KCNAB1: variants seen among roughly 807,000 people sequenced by gnomAD.
KCNAB1 encodes the protein voltage-gated potassium channel subunit beta-1.
Under a neutral mutation model 64.6 loss-of-function variants are expected in KCNAB1, and 35 were observed. The ratio of observed to expected loss-of-function variants is 0.54; its 90% CI spans 0.41 to 0.72. The LOEUF (loss-of-function observed/expected upper bound fraction) is 0.72. Among genes scored for constraint, KCNAB1 ranks in the 30% least tolerant of loss-of-function variants. The probability of loss-of-function intolerance (pLI) is 0.00; values close to 1 mark genes in which losing one functional copy is unlikely to be tolerated. For synonymous variants in KCNAB1, 177 were observed against 183.8 expected, an observed-to-expected ratio of 0.96 and a Z score of 0.30; for missense variants, 401 against 512.9, an observed-to-expected ratio of 0.78 and a Z score of 2.11.
At chr3:156,417,000 G>C (rs1373502858) in intron 1 of KCNAB1, among the ~76,000 whole-genome samples, 3 of 152,148 alleles carry the variant, frequency 2.0e-5, no homozygotes, top group Non-Finnish European at 4.4e-5. Context: ...TCCTCAAAAT[G>C]CCTGGCTAAA....
At chr3:156,336,587 T>A (rs1723733288) in intron 1 of KCNAB1, among the ~76,000 whole-genome samples, 1 of 152,214 alleles carries the variant, frequency 6.6e-6, no homozygotes, top group African/African-American at 2.4e-5. Flanking sequence ...GGTGCTGATT[T>A]TTATATTGAT....
At chr3:156,249,428 C>G (rs1286752817) in intron 1 of KCNAB1, among the ~76,000 whole-genome samples, 1 of 151,886 alleles carries the variant, frequency 6.6e-6, no homozygotes, top group African/African-American at 2.4e-5. Flanking sequence ...AAAAATTAGC[C>G]AGGCATGATG....
At chr3:156,315,146 A>G (rs996457305) in intron 1 of KCNAB1, among the ~76,000 whole-genome samples, 1 of 152,228 alleles carries the variant, frequency 6.6e-6, no homozygotes, top group South Asian at 2.1e-4. Flanking sequence ...GATATTTCCA[A>G]CATCAGAGAA....
chr3:156,339,596 A>G (rs112258525), intron 1 of KCNAB1, among the ~76,000 whole-genome samples: 2 of 152,290 alleles, frequency 1.3e-5, no homozygotes, highest in African/African-American at 2.4e-5. Context: ...ACTTCAATCC[A>G]TGCAAAAGGC....
At chr3:156,119,272 A>C (rs1713216228), upstream of KCNAB1, among the ~76,000 whole-genome samples, 2 of 152,232 alleles carry the variant, frequency 1.3e-5, no homozygotes, top group South Asian at 4.1e-4. Flanking sequence ...CCAAGACAGC[A>C]GTAGATGACT....
intron 1 of KCNAB1, among the ~76,000 whole-genome samples, chr3:156,419,615 G>A (rs752247392): frequency 4.6e-5 from 7 of 151,842 alleles, no homozygotes; most frequent in Non-Finnish European, 7.4e-5. Context: ...TCTCCCTACT[G>A]AAAGACATTA....
At chr3:156,132,508 C>G (rs1230583769) in intron 1 of KCNAB1, among the ~76,000 whole-genome samples, 1 of 152,148 alleles carries the variant, frequency 6.6e-6, no homozygotes, top group East Asian at 1.9e-4. Context: ...CTCCCCCATT[C>G]CATTGTGAGA....
At chr3:156,276,954 G>A (rs1208377374) in intron 1 of KCNAB1, among the ~76,000 whole-genome samples, 1 of 152,134 alleles carries the variant, frequency 6.6e-6, no homozygotes, top group African/African-American at 2.4e-5. Context: ...TTTGGCAAAA[G>A]TGGCCTAGCT....
Position 156,204,123 on chromosome 3 carries a change from A to C in KCNAB1, c.275+83237A>C, listed in dbSNP as rs1033270919. 1.1e-4 allele frequency among the ~76,000 whole-genome samples: 17 copies of C among 152,356 alleles called. 1 individual carries two copies. The highest frequency in any genetic ancestry group is 4.1e-4 in the African/African-American group (17 of 41,578). Reference sequence around the variant, plus strand: ...GTAGGAAGACAGCTATTGTTTATTTAAGCTGTAAGGCTGAAAGCTTCACTT... The same window carrying C: ...GTAGGAAGACAGCTATTGTTTATTTCAGCTGTAAGGCTGAAAGCTTCACTT... On this transcript the variant is annotated intron_variant, in intron 1 of 13. Coordinates refer to ENST00000490337, the MANE Select transcript of KCNAB1 (RefSeq NM_172160.3).
At chr3:156,502,643 T>A (rs530385826) in intron 8 of KCNAB1, among the ~76,000 whole-genome samples, 29 of 152,160 alleles carry the variant, frequency 1.9e-4, no homozygotes, top group Non-Finnish European at 3.7e-4. Context: ...GACAAATAAT[T>A]CTTTTTCAAA....
chr3:156,122,126 A>C (rs183278428), intron 1 of KCNAB1, among the ~76,000 whole-genome samples: 2 of 152,320 alleles, frequency 1.3e-5, no homozygotes, highest in Admixed American at 1.3e-4. Context: ...GTTTGTCTGA[A>C]GCTCTTGTAT....
In KCNAB1 at chr3:156,493,774, G is replaced by A. The variant is rs888263420; in HGVS notation, c.658+18954G>A. Among the ~76,000 whole-genome samples the A allele has an allele frequency of 2.1e-4, 32 of 152,064 alleles. 1 individual carries two copies. The highest frequency in any genetic ancestry group is 2.0e-3 in the Admixed American group (31 of 15,262). ...AAGACTATCGACTACTTTGTAGAAT[G>A]TTCTTCAGTTGGAGTTTTTCAGGCA... On this transcript the variant is annotated intron_variant, in intron 8 of 13. Transcript: ENST00000490337.
At chr3:156,302,664 T>C (rs559402510) in intron 1 of KCNAB1, among the ~76,000 whole-genome samples, 26 of 152,228 alleles carry the variant, frequency 1.7e-4, no homozygotes, top group Non-Finnish European at 2.9e-4. Flanking sequence ...TTTGCAATTA[T>C]TATTACAGCA....
chr3:156,409,836 G>A (rs1396380249), intron 1 of KCNAB1, among the ~76,000 whole-genome samples: 3 of 152,148 alleles, frequency 2.0e-5, no homozygotes, highest in Non-Finnish European at 4.4e-5. Flanking sequence ...GTAGAGGTTC[G>A]AGAATAAAGA....
At chr3:156,311,905 G>A (rs1324421998) in intron 1 of KCNAB1, among the ~76,000 whole-genome samples, 1 of 152,198 alleles carries the variant, frequency 6.6e-6, no homozygotes, top group Non-Finnish European at 1.5e-5. Context: ...GGTTCACTGG[G>A]TAGGCAGGCT....
At chr3:156,336,388 A>G (rs1244553317) in intron 1 of KCNAB1, among the ~76,000 whole-genome samples, 1 of 152,092 alleles carries the variant, frequency 6.6e-6, no homozygotes, top group African/African-American at 2.4e-5. Context: ...ACAAAAAAAG[A>G]GTAACAATAC....
intron 1 of KCNAB1, among the ~76,000 whole-genome samples, chr3:156,310,609 C>T (rs1345869008): frequency 6.6e-6 from 1 of 152,142 alleles, no homozygotes; most frequent in African/African-American, 2.4e-5. Context: ...CGAGACCATC[C>T]TGGCTAACAC....
intron 2 of KCNAB1, among the ~76,000 whole-genome samples, chr3:156,432,330 T>TTC (rs1229133124): frequency 2.0e-5 from 3 of 152,234 alleles, no homozygotes; most frequent in African/African-American, 7.2e-5. Context: ...CAGCTTTGCC[T>TTC]TCTTGATATA....
In KCNAB1 at chr3:156,331,116, A is replaced by G. The variant is rs527582484; in HGVS notation, c.276-90500A>G. Among the ~76,000 whole-genome samples the G allele has an allele frequency of 1.6e-4, 24 of 152,272 alleles. 1 individual carries two copies. The South Asian group carries it at 4.8e-3, about 30-fold the overall frequency. On this transcript the variant is annotated intron_variant, in intron 1 of 13. Transcript: ENST00000490337. The stretch of plus-strand genomic sequence containing the variant: ...GGCTCCTTGTCCATCACTGATAATC[A>G]GTCACTGGAAACCTGCTCCTAGGAC...
Sources: gnomAD v4.1 joint callset for allele counts (sites outside exome capture counted in the v4.1 genomes callset) on GRCh38, gnomAD v4.1.1 for gene constraint, MANE v1.5 for transcripts, NCBI Gene and HGNC (gene_info 2026-07-23, HGNC 2026-07-21) for gene names.